Variants in DLG2 observed in about 807,000 individuals in gnomAD.
The protein encoded by DLG2 is discs large MAGUK scaffold protein 2.
In DLG2, 45 loss-of-function variants were observed where a neutral mutation model predicts 132.5. The ratio of observed to expected loss-of-function variants is 0.34; its 90% CI spans 0.27 to 0.44. The LOEUF (loss-of-function observed/expected upper bound fraction) is 0.44. Among genes scored for constraint, DLG2 ranks in the 20% least tolerant of loss-of-function variants. The pLI is 1.00. For missense variants in DLG2, 1,045 were observed against 1,196.9 expected (o/e 0.87, Z 1.87); for synonymous variants, 424 against 419.6 (o/e 1.01, Z -0.13).
chr11:84,897,029 T>C (rs2090289489), intron 6 of DLG2, among the ~76,000 whole-genome samples: 1 of 151,914 alleles, frequency 6.6e-6, no homozygotes, highest in Non-Finnish European at 1.5e-5. Flanking sequence ...TTAAGAAATG[T>C]ATTAATACAG....
intron 6 of DLG2, among the ~76,000 whole-genome samples, chr11:84,567,092 A>G (rs1313314609): frequency 6.6e-6 from 1 of 152,058 alleles, no homozygotes; most frequent in Admixed American, 6.6e-5. Flanking sequence ...AACCAACTTC[A>G]CCTCGAAAAA....
chr11:83,894,576 T>C (rs1312308403), intron 15 of DLG2, among the ~76,000 whole-genome samples: 1 of 152,234 alleles, frequency 6.6e-6, no homozygotes, highest in Non-Finnish European at 1.5e-5. Context: ...AACACCTATA[T>C]ACAATGTGCA....
intron 19 of DLG2, among the ~76,000 whole-genome samples, chr11:83,560,144 G>A (rs2096587247): frequency 1.3e-5 from 2 of 151,750 alleles, no homozygotes; most frequent in African/African-American, 4.8e-5. Context: ...TCTTGAGACG[G>A]AGTCTCACTG....
intron 6 of DLG2, among the ~76,000 whole-genome samples, chr11:84,537,622 C>A (rs528415752): frequency 2.6e-5 from 4 of 152,130 alleles, no homozygotes; most frequent in Non-Finnish European, 5.9e-5. Flanking sequence ...TGTGCATGTT[C>A]CCATAACTCC....
At chr11:84,764,086 C>T (rs1420819532) in intron 6 of DLG2, among the ~76,000 whole-genome samples, 1 of 152,086 alleles carries the variant, frequency 6.6e-6, no homozygotes, top group African/African-American at 2.4e-5. Context: ...CCTGCAATTT[C>T]CTTTTATCTC....
At chr11:83,980,421 G>A in intron 12 of DLG2, 85 bp downstream of exon 12, 3 of 1,399,176 alleles carry the variant, frequency 2.1e-6, no homozygotes, top group South Asian at 1.7e-5. Context: ...TTTTGTGATG[G>A]CAGCCTGAAC....
chr11:84,042,901 G>T (rs1390628594), intron 11 of DLG2, among the ~76,000 whole-genome samples: 1 of 151,772 alleles, frequency 6.6e-6, no homozygotes, highest in Non-Finnish European at 1.5e-5. Flanking sequence ...TGCAGGGAGG[G>T]AGAGCAACAG....
rs907452215 is a variant in DLG2 at position 85,497,097 on chromosome 11, T to C, written c.40+101560A>G. 4.0e-5 allele frequency among the ~76,000 whole-genome samples: 6 copies of C among 151,886 alleles called. No homozygotes were observed. In the East Asian group the frequency reaches 9.7e-4, roughly 25 times the overall value. ...AATGAGTTTGATGAGTTGACAGAAG[T>C]AGGCTTCAGAAAGTCACTAATAACA... is the stretch of plus-strand genomic sequence containing the variant. On this transcript the variant is annotated intron_variant, in intron 3 of 27. Coordinates refer to ENST00000376104, the MANE Select transcript of DLG2 (RefSeq NM_001142699.3).
At chr11:85,542,740 C>A (rs2076053888) in intron 3 of DLG2, among the ~76,000 whole-genome samples, 4 of 152,036 alleles carry the variant, frequency 2.6e-5, no homozygotes. Context: ...ATTTCATAGG[C>A]AAAAATGTCA....
At chr11:84,544,080 A>T (rs2099384683) in intron 6 of DLG2, among the ~76,000 whole-genome samples, 1 of 152,200 alleles carries the variant, frequency 6.6e-6, no homozygotes, top group African/African-American at 2.4e-5. Context: ...ACTATGGGAG[A>T]ACTTACTCTA....
chr11:84,300,994 T>C (rs1219980520), intron 7 of DLG2, among the ~76,000 whole-genome samples: 3 of 152,236 alleles, frequency 2.0e-5, no homozygotes, highest in Admixed American at 1.3e-4. Context: ...TTGTGTTAAC[T>C]GTTTAATAAT....
chr11:84,563,099 A>T (rs2099433807), intron 6 of DLG2, among the ~76,000 whole-genome samples: 1 of 152,200 alleles, frequency 6.6e-6, no homozygotes, highest in Admixed American at 6.5e-5. Context: ...ACTAAAATCC[A>T]TTCATATTGG....
chr11:83,913,781 T>C (rs2076467316), intron 15 of DLG2, among the ~76,000 whole-genome samples: 1 of 152,176 alleles, frequency 6.6e-6, no homozygotes, highest in Non-Finnish European at 1.5e-5. Flanking sequence ...GGGAGACTTT[T>C]GTTTTTTCTG....
At chr11:85,274,021 C>T (rs1054156358) in intron 4 of DLG2, among the ~76,000 whole-genome samples, 22 of 152,106 alleles carry the variant, frequency 1.4e-4, no homozygotes, top group Non-Finnish European at 7.4e-5. Context: ...AACCAAACAC[C>T]ACATGTTCTC....
chr11:83,930,154 C>T (rs1428080363), intron 15 of DLG2, among the ~76,000 whole-genome samples, 174 bp downstream of exon 15: 1 of 152,088 alleles, frequency 6.6e-6, no homozygotes, highest in Non-Finnish European at 1.5e-5. Flanking sequence ...TAAAACAAAA[C>T]AAAAAGGCAA....
chr11:84,302,809 A>G (rs1048296479), intron 7 of DLG2, among the ~76,000 whole-genome samples: 3 of 152,166 alleles, frequency 2.0e-5, no homozygotes, highest in African/African-American at 7.2e-5. Context: ...AACGTGGGCC[A>G]GGCATGGTGG....
intron 6 of DLG2, among the ~76,000 whole-genome samples, chr11:84,549,193 C>G (rs765292896): frequency 1.2e-4 from 18 of 152,168 alleles, no homozygotes; most frequent in Admixed American, 8.5e-4. Context: ...TGGAGAGGAC[C>G]AGGCTTTAAG....
At chr11:85,308,402 T>C (rs2080102930) in intron 3 of DLG2, among the ~76,000 whole-genome samples, 1 of 152,158 alleles carries the variant, frequency 6.6e-6, no homozygotes, top group Non-Finnish European at 1.5e-5. Flanking sequence ...ACTAAGATTC[T>C]TTGCCTTTTG....
chr11:85,086,008 A>G (rs995755162), intron 6 of DLG2, among the ~76,000 whole-genome samples: 7 of 152,160 alleles, frequency 4.6e-5, no homozygotes, highest in Non-Finnish European at 7.4e-5. Context: ...TCTAGTTCAT[A>G]ATGTCTTTAT....
Sources: allele counts gnomAD v4.1 joint callset (sites outside exome capture counted in the v4.1 genomes callset), GRCh38; gene constraint gnomAD v4.1.1; transcripts MANE v1.5; gene names NCBI Gene and HGNC (gene_info 2026-07-23, HGNC 2026-07-21).